Variants in TBC1D17 observed in about 807,000 individuals in gnomAD.
TBC1D17 encodes the protein TBC1 domain family member 17.
TBC1D17 carries 69 observed loss-of-function variants against 78.8 expected under a neutral mutation model. The observed-to-expected ratio is 0.88, with a 90% CI of 0.72 to 1.07. The LOEUF is 1.07. TBC1D17 is among the 50% of genes least tolerant of loss of function. TBC1D17 has a pLI of 0.00. For synonymous variants in TBC1D17, 456 were observed against 358.3 expected, an observed-to-expected ratio of 1.27 and a Z score of -3.08; for missense variants, 957 against 861.0, an observed-to-expected ratio of 1.11 and a Z score of -1.39.
At chr19:49,886,269 A>G (rs1319915659) in intron 13 of TBC1D17, among the ~76,000 whole-genome samples, 1 of 152,210 alleles carries the variant, frequency 6.6e-6, no homozygotes, top group Non-Finnish European at 1.5e-5. Context: ...AAAAAGAAAA[A>G]AGAAAGTTAA....
In TBC1D17 at chr19:49,884,287, G is replaced by A. The variant is rs1212912210; in HGVS notation, c.1161G>A (p.Lys387=). 2.5e-6 allele frequency: 4 copies of A among 1,613,874 alleles called. No individual in the cohort carries two copies. In the African/African-American group the frequency reaches 4.0e-5, roughly 16 times the overall value. Reference sequence around the variant, plus strand: ...TGAGCCGCACTGACAGGACCAACAAGTTCTACGAGGGTCCCGAGAACCCGG... The same window carrying A: ...TGAGCCGCACTGACAGGACCAACAAATTCTACGAGGGTCCCGAGAACCCGG... ...RDVSRTDRTN[K]FYEGPENPGL... The change falls in exon 11 of 17, where the codon AAG becomes AAA. Residue 387 remains lysine, a synonymous_variant. Coordinates refer to ENST00000221543, the MANE Select transcript of TBC1D17 (RefSeq NM_024682.3).
chr19:49,884,400 C>T (rs371485240), intron 11 of TBC1D17, 31 bp downstream of exon 11: 19 of 1,613,558 alleles, frequency 1.2e-5, no homozygotes, highest in African/African-American at 6.7e-5. Flanking sequence ...CGGGCGTGGC[C>T]GGGGCTGTCC....
At chr19:49,888,103 G>C (rs2075077138) in intron 15 of TBC1D17, 128 bp from the exon 16 acceptor site, 2 of 1,436,836 alleles carry the variant, frequency 1.4e-6, no homozygotes, top group East Asian at 2.5e-5. Flanking sequence ...GTCTCGCCCA[G>C]CGCACTTCTG....
chr19:49,881,193 A>T, intron 4 of TBC1D17, 75 bp from the exon 5 acceptor site: 1 of 1,364,026 alleles, frequency 7.3e-7, no homozygotes, highest in Non-Finnish European at 1.0e-6. Flanking sequence ...TGCCGAAGGA[A>T]CATCCTGGGT....
At chr19:49,879,785 C>T (rs931875831) in intron 3 of TBC1D17, among the ~76,000 whole-genome samples, 74 of 151,322 alleles carry the variant, frequency 4.9e-4, no homozygotes, top group African/African-American at 1.7e-3. Flanking sequence ...GACATGGGGT[C>T]AAGTCCTGGC....
intron 13 of TBC1D17, among the ~76,000 whole-genome samples, chr19:49,885,941 C>T (rs1160908853): frequency 6.9e-6 from 1 of 144,076 alleles, no homozygotes; most frequent in Non-Finnish European, 1.5e-5. Context: ...TGCCATTGCA[C>T]TCCAGCCTGG....
At chr19:49,877,997 G>A (rs1338849467) in intron 1 of TBC1D17, 146 bp from the exon 2 acceptor site, 27 of 777,612 alleles carry the variant, frequency 3.5e-5, no homozygotes, top group Middle Eastern at 6.4e-4. Flanking sequence ...ACGCGGGCTG[G>A]ACCATTCTCC....
intron 4 of TBC1D17, among the ~76,000 whole-genome samples, chr19:49,880,793 C>G (rs1257618404): frequency 6.6e-6 from 1 of 152,178 alleles, no homozygotes; most frequent in Non-Finnish European, 1.5e-5. Flanking sequence ...AATGGAGATT[C>G]CTTCCAGGAA....
chr19:49,887,732 G>T lies in TBC1D17; in HGVS notation c.1557G>T (p.Gly519=). 1 of 1,613,854 alleles carries T rather than the reference G, an allele frequency of 6.2e-7. No homozygotes were observed. The highest frequency in any genetic ancestry group is 8.5e-7 in the Non-Finnish European group (1 of 1,179,952). ...VLRLWEVLWT[G]LPGPNLHLLV... ...CGCACCCTCAGGTGCTGTGGACAGG[G>T]CTCCCTGGCCCCAATCTGCACCTGC... Residue 519 remains glycine (G), a synonymous_variant, in exon 15 of 17, where the codon GGG becomes GGT. Coordinates refer to ENST00000221543, the MANE Select transcript of TBC1D17 (RefSeq NM_024682.3).
intron 3 of TBC1D17, 60 bp from the exon 4 acceptor site, chr19:49,880,219 G>A: frequency 6.3e-7 from 1 of 1,594,580 alleles, no homozygotes; most frequent in Non-Finnish European, 8.6e-7. Flanking sequence ...TTCCAGGGTA[G>A]CCTCGAGGCT....
Position 49,887,472 on chromosome 19 carries a change from C to T in TBC1D17, c.1445-4C>T, listed in dbSNP as rs754533652. 15 of 1,613,552 alleles carry T rather than the reference C, an allele frequency of 9.3e-6. No homozygotes were observed. In the South Asian group the frequency reaches 1.3e-4, roughly 14 times the overall value. On this transcript the variant is annotated splice_polypyrimidine_tract_variant and splice_region_variant and intron_variant, in intron 13 of 16. Coordinates refer to ENST00000221543, the MANE Select transcript of TBC1D17 (RefSeq NM_024682.3). ...GGCTGAGTGGGCTCCATGTCATCCC[C>T]CAGATTCCCAGGACTCCGGCTCTCT...
At position 49,882,770 on chromosome 19, in the gene TBC1D17, C is replaced by T. The variant is rs149315360; in HGVS notation, c.805C>T (p.Leu269=). 3.7e-5 allele frequency: 58 copies of T among 1,571,512 alleles called. No individual in the cohort carries two copies. The African/African-American group carries it at 6.4e-4, about 17-fold the overall frequency. The change falls in exon 8 of 17, where the codon CTG becomes TTG. Residue 269 remains leucine (L), a synonymous_variant. Transcript: ENST00000221543. Reference sequence around the variant, plus strand: ...ATTTGCTCTTTGCCTGCAGGTGGAGCTGGGGCCTCGGCCAACCGTGGAGCG... The same window carrying T: ...ATTTGCTCTTTGCCTGCAGGTGGAGTTGGGGCCTCGGCCAACCGTGGAGCG... ...PGFEVISCVE[L]GPRPTVERGP... is the part of the protein sequence containing the mutation.
At chr19:49,884,047 T>C (rs886384756) in intron 10 of TBC1D17, among the ~76,000 whole-genome samples, 1 of 152,120 alleles carries the variant, frequency 6.6e-6, no homozygotes, top group African/African-American at 2.4e-5. Flanking sequence ...TGTGGGAGGA[T>C]ATAGCCAGCT....
In TBC1D17 at chr19:49,884,241, C is replaced by A; in HGVS notation, c.1127-12C>A. ...CTTTCTCACCTTTGCACCCTGTGCCCGGTCCCCGCAGAAAGGGATGTGAGC... is the reference window on the plus strand; with the variant it reads ...CTTTCTCACCTTTGCACCCTGTGCCAGGTCCCCGCAGAAAGGGATGTGAGC... On this transcript the variant is annotated splice_polypyrimidine_tract_variant and intron_variant, in intron 10 of 16. Transcript: ENST00000221543. The A allele has an allele frequency of 6.2e-7, 1 of 1,612,356 alleles. No homozygotes were observed. The highest frequency in any genetic ancestry group is 8.5e-7 in the Non-Finnish European group (1 of 1,178,888).
chr19:49,887,161 G>A (rs1454149795), intron 13 of TBC1D17: 16 of 371,160 alleles, frequency 4.3e-5, no homozygotes, highest in South Asian at 2.9e-4. Flanking sequence ...TTGCTACAGC[G>A]TATCTAGGAG....
At position 49,888,221 on chromosome 19, in the gene TBC1D17, C is replaced by T. The variant is rs751293800; in HGVS notation, c.1660-10C>T. ...GTGCCGACTGGCGCCTGACCCACCCCCTCCCGCAGCACATCAACGAGCTGA... is the reference window on the plus strand; with the variant it reads ...GTGCCGACTGGCGCCTGACCCACCCTCTCCCGCAGCACATCAACGAGCTGA... On this transcript the variant is annotated splice_polypyrimidine_tract_variant and intron_variant, in intron 15 of 16. Coordinates refer to ENST00000221543, the MANE Select transcript of TBC1D17 (RefSeq NM_024682.3). 2.5e-6 allele frequency: 4 copies of T among 1,572,970 alleles called. No homozygotes were observed. The highest frequency in any genetic ancestry group is 3.7e-5 in the Admixed American group (2 of 54,216).
At position 49,884,466 on chromosome 19, in the gene TBC1D17, C is replaced by T. The variant is rs1032729962; in HGVS notation, c.1251C>T (p.Val417=). 1 of 1,614,120 alleles carries T rather than the reference C, an allele frequency of 6.2e-7. No individual in the cohort carries two copies. The highest frequency in any genetic ancestry group is 1.3e-5 in the African/African-American group (1 of 75,038). The change falls in exon 12 of 17, where the codon GTC becomes GTT. Residue 417 remains valine (V), a synonymous_variant. Coordinates refer to ENST00000221543, the MANE Select transcript of TBC1D17 (RefSeq NM_024682.3). ...GACCCCATGTCCCCCCAGGCTACGT[C>T]CAGGGCATGAGTGATCTTCTCTCCC... is the stretch of plus-strand genomic sequence containing the variant. ...YCMYHFDLGY[V]QGMSDLLSPI... is the part of the protein sequence containing the mutation.
At chr19:49,881,827 C>T (rs1439675180) in intron 5 of TBC1D17, among the ~76,000 whole-genome samples, 2 of 152,102 alleles carry the variant, frequency 1.3e-5, no homozygotes, top group African/African-American at 2.4e-5. Flanking sequence ...CACACTGGAC[C>T]GGAAGGTGAA....
intron 5 of TBC1D17, among the ~76,000 whole-genome samples, chr19:49,881,710 G>A (rs2075015112): frequency 1.3e-5 from 2 of 152,162 alleles, no homozygotes. Context: ...ATTCTCTGGG[G>A]CCCCAGTATC....
Sources: gnomAD v4.1 joint callset for allele counts (sites outside exome capture counted in the v4.1 genomes callset) on GRCh38, gnomAD v4.1.1 for gene constraint, MANE v1.5 for transcripts, NCBI Gene and HGNC (gene_info 2026-07-23, HGNC 2026-07-21) for gene names.